Variants in GNAQ observed in about 807,000 individuals in gnomAD.
GNAQ encodes G protein subunit alpha q.
Under a neutral mutation model 43.9 loss-of-function variants are expected in GNAQ, and 8 were observed. The observed-to-expected ratio is 0.18, with a 90% CI of 0.11 to 0.33. The LOEUF is 0.33. Among genes scored for constraint, GNAQ ranks in the 10% least tolerant of loss-of-function variants. The probability of loss-of-function intolerance (pLI) is 1.00; values close to 1 mark genes in which losing one functional copy is unlikely to be tolerated. For synonymous variants in GNAQ, 155 were observed against 170.7 expected, an observed-to-expected ratio of 0.91 and a Z score of 0.71; for missense variants, 158 against 450.8, an observed-to-expected ratio of 0.35 and a Z score of 5.88.
intron 5 of GNAQ, among the ~76,000 whole-genome samples, chr9:77,764,124 C>G (rs927218798): frequency 6.6e-6 from 1 of 152,102 alleles, no homozygotes; most frequent in African/African-American, 2.4e-5. Flanking sequence ...AAATACAAAC[C>G]TATACTCCTA....
intron 1 of GNAQ, among the ~76,000 whole-genome samples, chr9:78,017,238 G>A (rs1823850367): frequency 6.6e-6 from 1 of 152,294 alleles, no homozygotes; most frequent in Middle Eastern, 3.4e-3. Flanking sequence ...CAACATGTCT[G>A]ATTTCAAGCT....
chr9:77,757,745 A>G (rs1291296922), intron 5 of GNAQ, among the ~76,000 whole-genome samples: 1 of 152,212 alleles, frequency 6.6e-6, no homozygotes. Context: ...CATTAATGAC[A>G]TAAATGTTCT....
chr9:77,801,534 T>C (rs1587922631), intron 3 of GNAQ, among the ~76,000 whole-genome samples: 2 of 152,158 alleles, frequency 1.3e-5, no homozygotes. Flanking sequence ...CTGGTTAACT[T>C]AAAAGGAAGC....
Position 77,720,277 on chromosome 9 carries a change from AT to A in GNAQ, c.*1045del, listed in dbSNP as rs1404787486. On this transcript the variant is annotated 3_prime_UTR_variant, in exon 7 of 7. Coordinates refer to ENST00000286548, the MANE Select transcript of GNAQ (RefSeq NM_002072.5). The stretch of plus-strand genomic sequence containing the variant: ...CTTACATTTTAAGATACCAGCTTTT[AT>A]TTTTTAAGTTCGTATTCATTTTATT... 1 of 233,370 alleles carries A rather than the reference AT, an allele frequency of 4.3e-6. No homozygotes were observed. The highest frequency in any genetic ancestry group is 8.5e-6 in the Non-Finnish European group (1 of 117,928). 14.5% of individuals were successfully genotyped at this position (233,370 alleles called of 1,614,324 possible). A position where few individuals can be genotyped will look rare whatever the true frequency, so the allele number is the denominator to read the frequency against.
intron 1 of GNAQ, among the ~76,000 whole-genome samples, chr9:77,984,193 A>G (rs1823405158): frequency 6.8e-6 from 1 of 146,210 alleles, no homozygotes; most frequent in Non-Finnish European, 1.5e-5. Context: ...TTTTTTTGAG[A>G]CAGGGCCTCA....
chr9:77,953,875 C>T (rs1823011477), intron 1 of GNAQ, among the ~76,000 whole-genome samples: 1 of 152,198 alleles, frequency 6.6e-6, no homozygotes, highest in African/African-American at 2.4e-5. Flanking sequence ...CTGCTGCCAG[C>T]ACAGACAATT....
In GNAQ at chr9:77,922,267, T is replaced by C. The variant is rs1829010465; in HGVS notation, c.215A>G (p.Lys72Arg). ...IHGSGYSDED[K>R]RGFTKLVYQN... ...ATACACCAGCTTGGTGAAGCCCCTTTTATCTTCATCAGAGTATCCTGACCC... is the reference window on the plus strand; with the variant it reads ...ATACACCAGCTTGGTGAAGCCCCTTCTATCTTCATCAGAGTATCCTGACCC... Residue 72 changes from lysine to arginine, a missense_variant, in exon 2 of 7, where the codon AAA (lysine) becomes AGA (arginine). Lys to Arg is a conservative substitution (Grantham distance 26, BLOSUM62 2). This residue lies in a region of GNAQ where 57 missense variants were observed against 78.2 expected (regional missense o/e 0.73). Transcript: ENST00000286548. The C allele has an allele frequency of 3.1e-6, 5 of 1,612,728 alleles. No individual in the cohort carries two copies. The highest frequency in any genetic ancestry group is 4.2e-6 in the Non-Finnish European group (5 of 1,178,724).
intron 2 of GNAQ, among the ~76,000 whole-genome samples, chr9:77,855,653 T>C (rs1174512413): frequency 1.3e-5 from 2 of 152,068 alleles, no homozygotes; most frequent in Non-Finnish European, 2.9e-5. Flanking sequence ...ACAAATGCCA[T>C]CACTCATGTT....
At position 77,787,767 on chromosome 9, in the gene GNAQ, C is replaced by T. The variant is rs148204370; in HGVS notation, c.735+6696G>A. Among the ~76,000 whole-genome samples, 877 of 152,206 alleles carry T rather than the reference C, an allele frequency of 5.8e-3. 11 individuals carry two copies. Among genetic ancestry groups the T allele is most frequent in the African/African-American group, 0.02 (826 of 41,520 alleles). ...TCTGCTGGCCAGGCATGGTGGCTCA[C>T]GCCTGTTATCCCAGCACTTTGGGAG... On this transcript the variant is annotated intron_variant, in intron 5 of 6. Coordinates refer to ENST00000286548, the MANE Select transcript of GNAQ (RefSeq NM_002072.5).
In GNAQ at chr9:77,922,444, T is replaced by C. The variant is rs149440083; in HGVS notation, c.137-99A>G. On this transcript the variant is annotated intron_variant, in intron 1 of 6. Transcript: ENST00000286548. ...ATGCCTTGGATTTAACATCCCCAGA[T>C]AGCCTGCTGAGAGGAGCGACTCTAG... The C allele has an allele frequency of 3.1e-5, 25 of 817,790 alleles. No homozygotes were observed. The East Asian group carries it at 4.9e-4, about 16-fold the overall frequency. 50.7% of individuals were successfully genotyped at this position (817,790 alleles called of 1,614,324 possible). A position where few individuals can be genotyped will look rare whatever the true frequency, so the allele number is the denominator to read the frequency against.
At chr9:77,906,728 T>C (rs1172802883) in intron 2 of GNAQ, among the ~76,000 whole-genome samples, 1 of 152,266 alleles carries the variant, frequency 6.6e-6, no homozygotes, top group African/African-American at 2.4e-5. Flanking sequence ...GTTCCACTAA[T>C]TGCAAATATT....
At chr9:77,985,470 T>C (rs574478506) in intron 1 of GNAQ, among the ~76,000 whole-genome samples, 7 of 152,372 alleles carry the variant, frequency 4.6e-5, no homozygotes, top group East Asian at 1.9e-4. Flanking sequence ...AAGTAGAGGA[T>C]AGTTGTATGT....
intron 3 of GNAQ, among the ~76,000 whole-genome samples, chr9:77,815,012 A>G (rs1826989592): frequency 6.6e-6 from 1 of 152,198 alleles, no homozygotes; most frequent in Admixed American, 6.5e-5. Flanking sequence ...CTTTCCCAGG[A>G]CATGAGTCTG....
At chr9:77,884,044 G>A (rs1242161173) in intron 2 of GNAQ, among the ~76,000 whole-genome samples, 1 of 152,212 alleles carries the variant, frequency 6.6e-6, no homozygotes, top group African/African-American at 2.4e-5. Context: ...TCTAACTGCA[G>A]ATAAAATCTC....
At chr9:77,924,492 G>A (rs1829040807) in intron 1 of GNAQ, among the ~76,000 whole-genome samples, 1 of 152,132 alleles carries the variant, frequency 6.6e-6, no homozygotes, top group African/African-American at 2.4e-5. Flanking sequence ...GTTAATATCA[G>A]GCAACAGGAC....
At chr9:77,751,918 G>A (rs564055163) in intron 5 of GNAQ, among the ~76,000 whole-genome samples, 6 of 152,340 alleles carry the variant, frequency 3.9e-5, no homozygotes, top group African/African-American at 7.2e-5. Context: ...AGGGAAATGC[G>A]AAACTGAATC....
chr9:77,921,904 C>T (rs138727114), intron 2 of GNAQ, among the ~76,000 whole-genome samples: 1 of 152,310 alleles, frequency 6.6e-6, no homozygotes, highest in African/African-American at 2.4e-5. Flanking sequence ...TATTGCTGAA[C>T]ATCCAAATAT....
chr9:77,824,215 A>G (rs968217271), intron 2 of GNAQ, among the ~76,000 whole-genome samples: 3 of 152,206 alleles, frequency 2.0e-5, no homozygotes, highest in Non-Finnish European at 4.4e-5. Context: ...TTTTAGGTCA[A>G]TAAATTTGAA....
chr9:77,987,712 C>T (rs564607414), intron 1 of GNAQ, among the ~76,000 whole-genome samples: 5 of 152,046 alleles, frequency 3.3e-5, no homozygotes, highest in East Asian at 1.9e-4. Context: ...TTCTAGTATT[C>T]GGAAAATAAA....
Sources: allele counts gnomAD v4.1 joint callset (sites outside exome capture counted in the v4.1 genomes callset), GRCh38; gene constraint gnomAD v4.1.1; regional missense constraint gnomAD v4.1.1; transcripts MANE v1.5; gene names NCBI Gene and HGNC (gene_info 2026-07-23, HGNC 2026-07-21).